Variants in CCDC141 observed in about 807,000 individuals in gnomAD.
CCDC141 encodes coiled-coil domain-containing protein 141.
In CCDC141, 168 loss-of-function variants were observed where a neutral mutation model predicts 181.0. The observed-to-expected ratio is 0.93, with a 90% CI of 0.82 to 1.05. The LOEUF (loss-of-function observed/expected upper bound fraction) is 1.05. Among genes scored for constraint, CCDC141 ranks in the 50% least tolerant of loss-of-function variants. The pLI is 0.00. For missense variants in CCDC141, 1,902 were observed against 1,788.5 expected, an observed-to-expected ratio of 1.06 and a Z score of -1.14; for synonymous variants, 666 against 642.3, an observed-to-expected ratio of 1.04 and a Z score of -0.56.
intron 15 of CCDC141, 58 bp from the exon 16 acceptor site, chr2:178,868,263 T>A: frequency 6.8e-7 from 1 of 1,475,474 alleles, no homozygotes; most frequent in Non-Finnish European, 9.4e-7. Context: ...AATTTTTTTT[T>A]AAGCCTAATT....
chr2:178,877,237 C>A (rs533970221), intron 12 of CCDC141: 5 of 152,124 alleles, frequency 3.3e-5, no homozygotes, highest in Non-Finnish European at 7.4e-5. Flanking sequence ...GTTGGAAGGA[C>A]TTTCATGTGT....
chr2:179,011,959 A>T (rs577367102), intron 2 of CCDC141, among the ~76,000 whole-genome samples: 2 of 152,286 alleles, frequency 1.3e-5, no homozygotes, highest in Admixed American at 6.5e-5. Context: ...AATCTCTGGG[A>T]TACAGCAAAG....
intron 22 of CCDC141, among the ~76,000 whole-genome samples, chr2:178,838,706 G>A (rs749622705): frequency 7.9e-5 from 12 of 152,130 alleles, no homozygotes; most frequent in Non-Finnish European, 1.8e-4. Flanking sequence ...AGACTTGATG[G>A]CCTTTCCCAA....
At chr2:178,957,152 C>T (rs545457848) in intron 5 of CCDC141, among the ~76,000 whole-genome samples, 5 of 152,256 alleles carry the variant, frequency 3.3e-5, no homozygotes, top group African/African-American at 7.2e-5. Context: ...GGATTACAGT[C>T]GTGAGCCACC....
At chr2:178,839,763 T>G (rs1397164607) in intron 22 of CCDC141, among the ~76,000 whole-genome samples, 1 of 152,070 alleles carries the variant, frequency 6.6e-6, no homozygotes, top group African/African-American at 2.4e-5. Context: ...AACCCAGATG[T>G]TCTTAGAAGT....
chr2:178,908,704 C>T (rs1422353046), intron 7 of CCDC141, among the ~76,000 whole-genome samples: 1 of 152,166 alleles, frequency 6.6e-6, no homozygotes, highest in Non-Finnish European at 1.5e-5. Flanking sequence ...TCTTGCCTTT[C>T]TTCCTTAAGA....
the CCDC141 span, among the ~76,000 whole-genome samples, chr2:178,823,192 G>A: frequency 6.7e-6 from 1 of 150,096 alleles, no homozygotes. Flanking sequence ...TTTTCTCTGA[G>A]TTGGAGAAAT....
intron 2 of CCDC141, among the ~76,000 whole-genome samples, chr2:178,983,409 T>A (rs1691543271): frequency 6.6e-6 from 1 of 152,062 alleles, no homozygotes; most frequent in South Asian, 2.1e-4. Context: ...TCAGAGCACC[T>A]CTCCTCCTCC....
chr2:178,905,493 A>G lies in CCDC141; in HGVS notation c.1101T>C (p.Asp367=). ...EFFNSANKAF[D]VLGRVEAYLK... is the part of the protein sequence containing the mutation. ...GGTAAGCTTCAACTCTTCCAAGTAC[A>G]TCAAATGCCTGCCAAAGAAAACATA... Residue 367 remains aspartate (D), a synonymous_variant, in exon 8 of 24, where the codon GAT becomes GAC. Transcript: ENST00000443758. 6.5e-7 allele frequency: 1 copy of G among 1,542,052 alleles called. No individual in the cohort carries two copies. The highest frequency in any genetic ancestry group is 1.7e-4 in the Middle Eastern group (1 of 5,944).
chr2:178,988,394 C>T (rs1691861610), intron 2 of CCDC141, among the ~76,000 whole-genome samples: 1 of 151,286 alleles, frequency 6.6e-6, no homozygotes, highest in African/African-American at 2.4e-5. Context: ...GGGTGCAGCA[C>T]ACCAGCATGG....
At chr2:178,896,153 G>T (rs1173838658) in intron 8 of CCDC141, among the ~76,000 whole-genome samples, 1 of 152,188 alleles carries the variant, frequency 6.6e-6, no homozygotes, top group East Asian at 1.9e-4. Context: ...TATGTGGCAG[G>T]TATTGATTCA....
At chr2:178,988,489 A>G (rs1225349379) in intron 2 of CCDC141, among the ~76,000 whole-genome samples, 1 of 143,246 alleles carries the variant, frequency 7.0e-6, no homozygotes, top group Non-Finnish European at 1.6e-5. Flanking sequence ...TAAATAATAA[A>G]AAAAAAGAAA....
chr2:178,883,491 G>A (rs1342368357), intron 11 of CCDC141, among the ~76,000 whole-genome samples: 1 of 152,190 alleles, frequency 6.6e-6, no homozygotes, highest in Non-Finnish European at 1.5e-5. Context: ...GAGTAAAAAT[G>A]TAGAAAAGGA....
the CCDC141 span, among the ~76,000 whole-genome samples, chr2:178,821,298 G>C: frequency 6.6e-6 from 1 of 152,004 alleles, no homozygotes; most frequent in African/African-American, 2.4e-5. Flanking sequence ...AATTTGTTAT[G>C]ACTGCCAAAA....
chr2:179,015,465 C>T (rs933847073), intron 2 of CCDC141, among the ~76,000 whole-genome samples: 1 of 115,316 alleles, frequency 8.7e-6, no homozygotes, highest in Non-Finnish European at 1.9e-5. Flanking sequence ...CCATATATAT[C>T]TCATATATGT....
At chr2:179,047,851 T>A (rs1417545592) in intron 1 of CCDC141, among the ~76,000 whole-genome samples, 1 of 152,196 alleles carries the variant, frequency 6.6e-6, no homozygotes, top group Non-Finnish European at 1.5e-5. Flanking sequence ...TAAATGCAAT[T>A]TAGGCTGATT....
chr2:179,031,181 A>G (rs1401981476), intron 2 of CCDC141, among the ~76,000 whole-genome samples: 1 of 144,806 alleles, frequency 6.9e-6, no homozygotes, highest in Non-Finnish European at 1.5e-5. Flanking sequence ...TAAATTAAAC[A>G]TATTATTAAA....
chr2:179,024,612 C>T (rs1257116786), intron 2 of CCDC141, among the ~76,000 whole-genome samples: 1 of 149,130 alleles, frequency 6.7e-6, no homozygotes, highest in East Asian at 1.9e-4. Flanking sequence ...AGGTAAGTGG[C>T]AAGCTCTCCA....
rs544120487 is a variant in CCDC141, at chr2:178,908,046, T to C, written c.1093-2545A>G. On this transcript the variant is annotated intron_variant, in intron 7 of 23. Transcript: ENST00000443758. The stretch of plus-strand genomic sequence containing the variant: ...ACAATGAAACAAAAAAGAAAGAAGA[T>C]GATTTAATGACTTTCCCTATCCTTC... Among the ~76,000 whole-genome samples the C allele has an allele frequency of 1.4e-4, 21 of 151,992 alleles. No individual in the cohort carries two copies. The South Asian group carries it at 4.0e-3, about 29-fold the overall frequency.
Sources: allele counts gnomAD v4.1 joint callset (sites outside exome capture counted in the v4.1 genomes callset), GRCh38; gene constraint gnomAD v4.1.1; transcripts MANE v1.5; gene names NCBI Gene and HGNC (gene_info 2026-07-23, HGNC 2026-07-21).